The following PALM2AKAP2 variants were observed in gnomAD, a reference collection of about 807,000 sequenced individuals.
PALM2AKAP2 encodes the protein PALM2-AKAP2 fusion protein.
A neutral mutation model predicts 71.5 loss-of-function variants in PALM2AKAP2; 37 were observed. The ratio of observed to expected loss-of-function variants is 0.52; its 90% CI spans 0.40 to 0.68. PALM2AKAP2 has a LOEUF of 0.68. Among genes scored for constraint, PALM2AKAP2 ranks in the 30% least tolerant of loss-of-function variants. PALM2AKAP2 has a pLI of 0.00. For missense variants in PALM2AKAP2, 1,224 were observed against 1,191.8 expected (o/e 1.03, Z -0.40); for synonymous variants, 468 against 478.8 (o/e 0.98, Z 0.29).
chr9:109,797,008 A>C (rs1051296590), intron 1 of PALM2AKAP2, among the ~76,000 whole-genome samples: 2 of 152,040 alleles, frequency 1.3e-5, no homozygotes, highest in Non-Finnish European at 2.9e-5. Flanking sequence ...GGGTACCCTA[A>C]ATTCTGTCTT....
At chr9:109,650,305 G>T (rs965939985) in intron 1 of PALM2AKAP2, among the ~76,000 whole-genome samples, 19 of 135,140 alleles carry the variant, frequency 1.4e-4, no homozygotes, top group South Asian at 9.4e-4. Flanking sequence ...CACCTTTTAG[G>T]GTTGTCCACT....
chr9:109,675,104 G>T (rs1212766129), intron 1 of PALM2AKAP2, among the ~76,000 whole-genome samples: 1 of 152,082 alleles, frequency 6.6e-6, no homozygotes, highest in Non-Finnish European at 1.5e-5. Context: ...CCTAAGCTAT[G>T]ATGCTTGAGA....
intron 1 of PALM2AKAP2, among the ~76,000 whole-genome samples, chr9:109,817,337 G>C (rs1935303): frequency 0.075 from 11,406 of 152,132 alleles, 1,167 homozygotes; most frequent in African/African-American, 0.24. Flanking sequence ...ATACATGCTG[G>C]GCATCTGAGC....
chr9:110,142,720 TAG>T (rs1836064519), intron 2 of PALM2AKAP2, among the ~76,000 whole-genome samples: 1 of 152,106 alleles, frequency 6.6e-6, no homozygotes. Flanking sequence ...TCAAAAGGAA[TAG>T]AGAACTTGGC....
chr9:109,912,413 T>C (rs1415938587), intron 3 of PALM2AKAP2, among the ~76,000 whole-genome samples: 1 of 152,196 alleles, frequency 6.6e-6, no homozygotes, highest in Non-Finnish European at 1.5e-5. Context: ...CTCTGTTTAC[T>C]TAAGGGCCAT....
chr9:109,692,787 T>C (rs1351874162), intron 1 of PALM2AKAP2, among the ~76,000 whole-genome samples: 1 of 152,042 alleles, frequency 6.6e-6, no homozygotes, highest in Non-Finnish European at 1.5e-5. Flanking sequence ...GGGATGAACC[T>C]CCCTTGGTCA....
intron 1 of PALM2AKAP2, among the ~76,000 whole-genome samples, chr9:110,120,549 C>T (rs1157808977): frequency 6.6e-6 from 1 of 152,250 alleles, no homozygotes; most frequent in Non-Finnish European, 1.5e-5. Context: ...GTTGCCCAGG[C>T]TGGAGTGCAG....
rs1835584452 is a variant in PALM2AKAP2 at position 110,125,560 on chromosome 9, C to G, written c.157-10567C>G. The G allele has an allele frequency of 8.1e-6, 8 of 985,378 alleles. No homozygotes were observed. In the South Asian group the frequency reaches 2.3e-4, roughly 29 times the overall value. 61.0% of individuals were successfully genotyped at this position (985,378 alleles called of 1,614,324 possible). On this transcript the variant is annotated intron_variant, in intron 1 of 3. Coordinates refer to ENST00000374525, the Ensembl canonical transcript of PALM2AKAP2. ...GGAATCTGTCTGGAAAAAGGCAGTT[C>G]TCACTGAGGAGGTTTGAGGCGCGCG... is the stretch of plus-strand genomic sequence containing the variant.
intron 6 of PALM2AKAP2, among the ~76,000 whole-genome samples, chr9:109,933,748 G>C (rs566632890): frequency 1.3e-5 from 2 of 152,330 alleles, no homozygotes; most frequent in Admixed American, 1.3e-4. Flanking sequence ...CTGCTGATTA[G>C]TTAAGAGTTA....
rs79821492 is a variant in PALM2AKAP2 at position 110,008,840 on chromosome 9, A to G, written c.497-7114A>G. Among the ~76,000 whole-genome samples the G allele has an allele frequency of 9.6e-3, 1,417 of 147,776 alleles. 20 individuals are homozygous for G. The highest frequency in any genetic ancestry group is 0.034 in the African/African-American group (1,368 of 40,690). On this transcript the variant is annotated intron_variant, in intron 6 of 9. Coordinates refer to the PALM2AKAP2 transcript ENST00000302798. ...CAGGGTCATGTGACCAGTTCTGGCC[A>G]ATGGGTGTGGGCAGCAGAGACATCT...
chr9:109,960,029 C>A (rs138951873), intron 6 of PALM2AKAP2, among the ~76,000 whole-genome samples: 26 of 152,280 alleles, frequency 1.7e-4, no homozygotes, highest in African/African-American at 6.0e-4. Context: ...TAAAATGCAA[C>A]AACTTCTTCT....
At chr9:109,778,043 T>C (rs949789465), upstream of PALM2AKAP2, among the ~76,000 whole-genome samples, 3 of 152,206 alleles carry the variant, frequency 2.0e-5, no homozygotes, top group African/African-American at 7.2e-5. Flanking sequence ...TTTAAAAATT[T>C]ATTGCGGTTA....
intron 6 of PALM2AKAP2, among the ~76,000 whole-genome samples, chr9:110,011,216 G>A (rs1832881214): frequency 6.8e-6 from 1 of 146,808 alleles, no homozygotes; most frequent in South Asian, 2.1e-4. Context: ...AATATATATA[G>A]GATTTATGTA....
chr9:109,867,954 G>A (rs187319095), intron 2 of PALM2AKAP2, among the ~76,000 whole-genome samples: 60 of 152,180 alleles, frequency 3.9e-4, no homozygotes, highest in Non-Finnish European at 7.2e-4. Context: ...TATATTTCAC[G>A]GAACGTTCTT....
In PALM2AKAP2 at chr9:109,888,571, G is replaced by T. The variant is rs372002330; in HGVS notation, c.257+7890G>T. Among the ~76,000 whole-genome samples the T allele has an allele frequency of 1.4e-3, 209 of 152,066 alleles. 1 individual carries two copies. Among genetic ancestry groups the T allele is most frequent in the African/African-American group, 4.8e-3 (200 of 41,482 alleles). On this transcript the variant is annotated intron_variant, in intron 3 of 9. Transcript: ENST00000302798. The stretch of plus-strand genomic sequence containing the variant: ...TAAAAATACAAAAAATTAGCCAGGC[G>T]TGGTTGCAGGCGCTTGTAATCCCAG...
At chr9:110,019,887 C>G (rs1054678205) in intron 7 of PALM2AKAP2, among the ~76,000 whole-genome samples, 1 of 152,112 alleles carries the variant, frequency 6.6e-6, no homozygotes, top group African/African-American at 2.4e-5. Context: ...CAAATCCCAG[C>G]ATTACGTAAT....
At chr9:110,066,874 T>C (rs1384933472) in intron 1 of PALM2AKAP2, among the ~76,000 whole-genome samples, 1 of 152,196 alleles carries the variant, frequency 6.6e-6, no homozygotes, top group Non-Finnish European at 1.5e-5. Flanking sequence ...GCTGCAGTTT[T>C]TGCAGGTATT....
At chr9:110,120,905 TA>T (rs1485874430) in intron 1 of PALM2AKAP2, among the ~76,000 whole-genome samples, 1 of 152,036 alleles carries the variant, frequency 6.6e-6, no homozygotes, top group Non-Finnish European at 1.5e-5. Context: ...AGTTGACAAC[TA>T]TTTTTTTTTT....
chr9:110,130,398 T>C (rs562587338), intron 1 of PALM2AKAP2, among the ~76,000 whole-genome samples: 2 of 152,326 alleles, frequency 1.3e-5, no homozygotes, highest in African/African-American at 2.4e-5. Flanking sequence ...ATTTCCTGCA[T>C]TCTTTAGGTG....
Sources: gnomAD v4.1 joint callset for allele counts (sites outside exome capture counted in the v4.1 genomes callset) on GRCh38, gnomAD v4.1.1 for gene constraint, MANE v1.5 for transcripts, NCBI Gene and HGNC (gene_info 2026-07-23, HGNC 2026-07-21) for gene names.